LUZP2: variants seen among roughly 807,000 people sequenced by gnomAD.
The protein encoded by LUZP2 is leucine zipper protein 2.
In LUZP2, 52 loss-of-function variants were observed where a neutral mutation model predicts 51.6. The ratio of observed to expected loss-of-function variants is 1.01; its 90% CI spans 0.81 to 1.27. The LOEUF (loss-of-function observed/expected upper bound fraction) is 1.27. Among genes scored for constraint, LUZP2 ranks in the 50% most tolerant of loss-of-function variants. The pLI, the probability that LUZP2 is intolerant of heterozygous loss-of-function variation, is 0.00. For missense variants in LUZP2, 436 were observed against 395.4 expected, an observed-to-expected ratio of 1.10 and a Z score of -0.87; for synonymous variants, 154 against 137.3, an observed-to-expected ratio of 1.12 and a Z score of -0.85.
chr11:24,868,221 G>T (rs1380766110), intron 5 of LUZP2, among the ~76,000 whole-genome samples: 2 of 11,222 alleles, frequency 1.8e-4, no homozygotes, highest in African/African-American at 4.4e-4. Flanking sequence ...TTCCTTTCCT[G>T]TGTAAAGACA....
chr11:24,547,776 A>G (rs1851603665), intron 1 of LUZP2, among the ~76,000 whole-genome samples: 1 of 152,182 alleles, frequency 6.6e-6, no homozygotes, highest in Non-Finnish European at 1.5e-5. Context: ...GAGTAAACTG[A>G]CATCCTACAA....
chr11:24,844,853 T>G (rs1232398867), intron 5 of LUZP2, among the ~76,000 whole-genome samples: 2 of 152,146 alleles, frequency 1.3e-5, no homozygotes, highest in South Asian at 2.1e-4. Context: ...GCACAAAAGT[T>G]AAGAATTGGG....
chr11:24,723,632 G>C (rs185299929), intron 1 of LUZP2, among the ~76,000 whole-genome samples: 6 of 152,020 alleles, frequency 3.9e-5, no homozygotes, highest in African/African-American at 1.2e-4. Flanking sequence ...TCAAGACCCT[G>C]CTGGGAAACA....
At chr11:24,985,478 A>T (rs1400296514) in intron 9 of LUZP2, among the ~76,000 whole-genome samples, 1 of 151,772 alleles carries the variant, frequency 6.6e-6, no homozygotes, top group African/African-American at 2.4e-5. Flanking sequence ...AAACGACCCC[A>T]ACTCCCAAAC....
chr11:25,058,904 T>C (rs1004081449), intron 10 of LUZP2, among the ~76,000 whole-genome samples: 2 of 152,206 alleles, frequency 1.3e-5, no homozygotes, highest in African/African-American at 2.4e-5. Context: ...ATGTGAAAAA[T>C]CAATTTCCTG....
chr11:24,707,977 C>T (rs549582584), intron 1 of LUZP2, among the ~76,000 whole-genome samples: 1 of 152,046 alleles, frequency 6.6e-6, no homozygotes, highest in African/African-American at 2.4e-5. Context: ...TTAGACCACA[C>T]AGGCTAAACT....
chr11:24,509,301 A>G (rs1850232255), intron 1 of LUZP2, among the ~76,000 whole-genome samples: 1 of 152,032 alleles, frequency 6.6e-6, no homozygotes, highest in African/African-American at 2.4e-5. Flanking sequence ...CTGTTCTTCC[A>G]CTGGTAATCA....
chr11:24,578,814 A>G (rs1649813965), intron 1 of LUZP2, among the ~76,000 whole-genome samples: 1 of 152,120 alleles, frequency 6.6e-6, no homozygotes, highest in African/African-American at 2.4e-5. Flanking sequence ...AAAACTAACT[A>G]TTGGGTACTA....
At chr11:24,632,068 G>T (rs1854914974) in intron 1 of LUZP2, among the ~76,000 whole-genome samples, 2 of 151,890 alleles carry the variant, frequency 1.3e-5, no homozygotes, top group Non-Finnish European at 2.9e-5. Context: ...AGGTATTTAG[G>T]ATTTTATATT....
intron 5 of LUZP2, among the ~76,000 whole-genome samples, chr11:24,837,854 T>A (rs78789101): frequency 0.16 from 24,551 of 151,482 alleles, 2,043 homozygotes; most frequent in South Asian, 0.22. Context: ...ATTTGCTAGT[T>A]ATCACTGTGA....
intron 8 of LUZP2, among the ~76,000 whole-genome samples, chr11:24,978,650 G>C: frequency 6.6e-6 from 1 of 151,700 alleles, no homozygotes; most frequent in Non-Finnish European, 1.5e-5. Context: ...ACAAGGTCTT[G>C]GGTCCCATAT....
intron 1 of LUZP2, among the ~76,000 whole-genome samples, chr11:24,590,898 T>C (rs1266703907): frequency 6.6e-6 from 1 of 152,138 alleles, no homozygotes; most frequent in Non-Finnish European, 1.5e-5. Context: ...ATGTAAGAAA[T>C]ATTAAACGTA....
At chr11:24,815,996 C>CT (rs200680319) in intron 5 of LUZP2, among the ~76,000 whole-genome samples, 4 of 8,712 alleles carry the variant, frequency 4.6e-4, no homozygotes, top group African/African-American at 6.6e-4. Context: ...CTCTTATCTT[C>CT]TTTTTTTTTT....
intron 1 of LUZP2, among the ~76,000 whole-genome samples, chr11:24,521,636 C>G (rs1037784126): frequency 6.6e-6 from 1 of 151,992 alleles, no homozygotes; most frequent in Admixed American, 6.6e-5. Flanking sequence ...ATAGAAGTTA[C>G]CACATTTAGC....
intron 5 of LUZP2, among the ~76,000 whole-genome samples, chr11:24,862,306 T>A (rs1565009895): frequency 6.6e-6 from 1 of 152,114 alleles, no homozygotes; most frequent in African/African-American, 2.4e-5. Flanking sequence ...ATAAGCTTCA[T>A]AAGCAAAGGA....
Position 24,927,365 on chromosome 11 carries a change from T to G in LUZP2, c.522+12827T>G, listed in dbSNP as rs567621738. 6.8e-4 allele frequency among the ~76,000 whole-genome samples: 104 copies of G among 152,290 alleles called. No homozygotes were observed. In the South Asian group the frequency reaches 8.3e-3, roughly 12 times the overall value. ...GTGTCTAGAAGGGTTTTTCCAATGT[T>G]ATCCTCTAGAATTTTTATGGCTTCA... On this transcript the variant is annotated intron_variant, in intron 7 of 11. Coordinates refer to ENST00000336930, the MANE Select transcript of LUZP2 (RefSeq NM_001009909.4).
intron 7 of LUZP2, among the ~76,000 whole-genome samples, chr11:24,941,201 C>T (rs535603485): frequency 1.3e-5 from 2 of 152,188 alleles, no homozygotes; most frequent in Admixed American, 6.5e-5. Context: ...CTTTATGCTT[C>T]GTAACTGTAA....
At chr11:24,871,731 TA>T (rs552040825) in intron 5 of LUZP2, among the ~76,000 whole-genome samples, 120 of 147,838 alleles carry the variant, frequency 8.1e-4, no homozygotes, top group Middle Eastern at 3.5e-3. Flanking sequence ...TAAACTACAG[TA>T]AAAAAAAAAT....
intron 9 of LUZP2, among the ~76,000 whole-genome samples, chr11:25,017,551 G>A (rs1173210813): frequency 2.6e-5 from 4 of 152,030 alleles, no homozygotes; most frequent in East Asian, 1.9e-4. Flanking sequence ...ATGCTTTGTC[G>A]AAGATTAGTT....
Sources: allele counts gnomAD v4.1 joint callset (sites outside exome capture counted in the v4.1 genomes callset), GRCh38; gene constraint gnomAD v4.1.1; transcripts MANE v1.5; gene names NCBI Gene and HGNC (gene_info 2026-07-23, HGNC 2026-07-21).